Variants in SLC15A2 observed in about 807,000 individuals in gnomAD.
The protein encoded by SLC15A2 is kidney H(+)/peptide cotransporter.
SLC15A2 carries 77 observed loss-of-function variants against 95.5 expected under a neutral mutation model. The observed-to-expected ratio is 0.81, with a 90% CI of 0.67 to 0.97. The LOEUF (loss-of-function observed/expected upper bound fraction) is 0.97. SLC15A2 is among the 50% of genes least tolerant of loss of function. The pLI is 0.00. For missense variants in SLC15A2, 893 were observed against 874.4 expected (o/e 1.02, Z -0.27); for synonymous variants, 306 against 306.9 (o/e 1.00, Z 0.03).
intron 11 of SLC15A2, 71 bp from the exon 12 acceptor site, chr3:121,924,280 A>G (rs1710066402): frequency 9.7e-6 from 13 of 1,336,660 alleles, no homozygotes; most frequent in Non-Finnish European, 1.4e-5. Context: ...TAGCAAAATT[A>G]TTGATCTAGG....
At chr3:121,915,202 T>C in intron 5 of SLC15A2, 25 bp from the exon 6 acceptor site, 1 of 1,567,646 alleles carries the variant, frequency 6.4e-7, no homozygotes, top group Non-Finnish European at 8.8e-7. Flanking sequence ...CACATTGCAC[T>C]GATGATTTAT....
chr3:121,923,093 C>T lies in SLC15A2; in HGVS notation c.921C>T (p.Ile307=). Residue 307 remains isoleucine, a synonymous_variant, in exon 10 of 22, where the codon ATC becomes ATT. Coordinates refer to ENST00000489711, the MANE Select transcript of SLC15A2 (RefSeq NM_021082.4). ...TGACCAGGGTACTATTCCTTTATAT[C>T]CCATTGCCCATGTTCTGGGCTCTTT... ...KALTRVLFLY[I]PLPMFWALLD... is the part of the protein sequence containing the mutation. The T allele has an allele frequency of 6.2e-7, 1 of 1,614,056 alleles. No individual in the cohort carries two copies. The highest frequency in any genetic ancestry group is 8.5e-7 in the Non-Finnish European group (1 of 1,179,918).
At chr3:121,940,692 A>G (rs1265668045) in intron 21 of SLC15A2, 139 bp from the exon 22 acceptor site, 1 of 931,052 alleles carries the variant, frequency 1.1e-6, no homozygotes, top group Non-Finnish European at 1.6e-6. Flanking sequence ...AGGAGAGGCC[A>G]GTGAACCCAG....
chr3:121,898,152 ACT>A (rs1195260429), intron 3 of SLC15A2, among the ~76,000 whole-genome samples: 2 of 140,154 alleles, frequency 1.4e-5, no homozygotes, highest in Non-Finnish European at 3.1e-5. Context: ...ACAGAAAAAG[ACT>A]CTGTCTCAAA....
intron 18 of SLC15A2, 46 bp downstream of exon 18, chr3:121,930,996 T>C: frequency 7.8e-7 from 1 of 1,274,834 alleles, no homozygotes; most frequent in Non-Finnish European, 1.1e-6. Flanking sequence ...TCAATAATTG[T>C]TTTTTAAGTG....
intron 19 of SLC15A2, among the ~76,000 whole-genome samples, chr3:121,938,918 T>C (rs1271498774): frequency 6.6e-6 from 1 of 152,226 alleles, no homozygotes; most frequent in Non-Finnish European, 1.5e-5. Flanking sequence ...ACCAGGCTGA[T>C]AACCATAGCA....
At chr3:121,928,668 G>GC in intron 15 of SLC15A2, 113 bp downstream of exon 15, 1 of 1,242,124 alleles carries the variant, frequency 8.1e-7, no homozygotes, top group Non-Finnish European at 1.1e-6. Flanking sequence ...TAATCTTTGA[G>GC]CACATGATTT....
rs1217402330 is a variant in SLC15A2 at position 121,939,329 on chromosome 3, C to T, written c.1762-20C>T. 4 of 1,477,068 alleles carry T rather than the reference C, an allele frequency of 2.7e-6. No individual in the cohort carries two copies. Among genetic ancestry groups the T allele is most frequent in the Non-Finnish European group, 3.6e-6 (4 of 1,110,636 alleles). 91.5% of individuals were successfully genotyped at this position (1,477,068 alleles called of 1,614,324 possible). The stretch of plus-strand genomic sequence containing the variant: ...CTTGAGACTACTGACAAGTCCATTT[C>T]CATTTTCTCTTTCCCTAAGAACACC... On this transcript the variant is annotated intron_variant, in intron 19 of 21. Transcript: ENST00000489711.
intron 19 of SLC15A2, among the ~76,000 whole-genome samples, chr3:121,933,897 T>A (rs1710284071): frequency 1.3e-5 from 2 of 150,156 alleles, no homozygotes; most frequent in South Asian, 4.3e-4. Context: ...TGGTTTTAGG[T>A]CTAACGTTTA....
chr3:121,925,846 G>T (rs1920318), intron 13 of SLC15A2, among the ~76,000 whole-genome samples: 61,250 of 138,416 alleles, frequency 0.44, 14,189 homozygotes, highest in East Asian at 0.69. Context: ...GCCAAGGAGA[G>T]GTAGAAAAGA....
rs758979107 is a variant in SLC15A2 at position 121,922,790 on chromosome 3, C to T, written c.796C>T (p.Arg266Cys). Reference protein sequence around the residue: ...FKCIWFAISNRFKNRSGDIPK... With the variant: ...FKCIWFAISNCFKNRSGDIPK... ...TCTGCCCTAGTTTGCTATTTCCAATCGTTTCAAGAACCGTTCTGGAGACAT... is the reference window on the plus strand; with the variant it reads ...TCTGCCCTAGTTTGCTATTTCCAATTGTTTCAAGAACCGTTCTGGAGACAT... The change falls in exon 9 of 22, where the codon CGT (arginine) becomes TGT (cysteine). Residue 266 changes from arginine to cysteine, a missense_variant. Transcript: ENST00000489711. The T allele has an allele frequency of 6.2e-6, 10 of 1,613,140 alleles. 1 individual carries two copies. The highest frequency in any genetic ancestry group is 1.6e-4 in the Middle Eastern group (1 of 6,082).
At position 121,907,035 on chromosome 3, in the gene SLC15A2, G is replaced by A. The variant is rs1024462966; in HGVS notation, c.336-4539G>A. 1.5e-4 allele frequency among the ~76,000 whole-genome samples: 23 copies of A among 152,208 alleles called. 1 individual carries two copies. In the Middle Eastern group the frequency reaches 0.017, roughly 113 times the overall value. ...TTTACATAGTCCTATATTTCTTTGA[G>A]GCTTTGTTCATTTCTTTTTACTCTT... On this transcript the variant is annotated intron_variant, in intron 3 of 21. Coordinates refer to ENST00000489711, the MANE Select transcript of SLC15A2 (RefSeq NM_021082.4).
chr3:121,896,198 A>C (rs1709409683), intron 1 of SLC15A2, among the ~76,000 whole-genome samples: 1 of 152,244 alleles, frequency 6.6e-6, no homozygotes, highest in African/African-American at 2.4e-5. Context: ...AAACAAAATA[A>C]TATTCAGAGT....
Position 121,943,405 on chromosome 3 carries a change from C to T in SLC15A2, c.*2398C>T, listed in dbSNP as rs1260414329. The T allele has an allele frequency of 6.6e-6, 1 of 152,094 alleles. No homozygotes were observed. The highest frequency in any genetic ancestry group is 1.5e-5 in the Non-Finnish European group (1 of 68,022). 9.4% of individuals were successfully genotyped at this position (152,094 alleles called of 1,614,324 possible). ...CTCGGTTCCTGTAATGGTTCCTCAC[C>T]AGGCATAATTTGTCCTTTTACCATC... On this transcript the variant is annotated 3_prime_UTR_variant, in exon 22 of 22. Coordinates refer to ENST00000489711, the MANE Select transcript of SLC15A2 (RefSeq NM_021082.4).
At chr3:121,913,190 C>A in intron 5 of SLC15A2, 70 bp downstream of exon 5, 1 of 1,205,832 alleles carries the variant, frequency 8.3e-7, no homozygotes, top group Non-Finnish European at 1.2e-6. Context: ...TGGCAGGTAG[C>A]CATTTGCCAA....
chr3:121,924,112 A>G (rs1710063259), intron 11 of SLC15A2, among the ~76,000 whole-genome samples: 1 of 152,208 alleles, frequency 6.6e-6, no homozygotes, highest in Non-Finnish European at 1.5e-5. Flanking sequence ...AGCATAATAC[A>G]TAGAAAATAA....
intron 15 of SLC15A2, among the ~76,000 whole-genome samples, 186 bp downstream of exon 15, chr3:121,928,741 G>C (rs1296068017): frequency 4.6e-5 from 7 of 151,956 alleles, no homozygotes; most frequent in African/African-American, 1.7e-4. Flanking sequence ...TTTCCACATA[G>C]GTATTCCGTT....
At chr3:121,907,987 G>C (rs1481859683) in intron 3 of SLC15A2, among the ~76,000 whole-genome samples, 1 of 152,380 alleles carries the variant, frequency 6.6e-6, no homozygotes, top group Middle Eastern at 3.4e-3. Context: ...CCAGAGGTGG[G>C]TGGGGTCTAC....
intron 8 of SLC15A2, among the ~76,000 whole-genome samples, 153 bp downstream of exon 8, chr3:121,922,455 T>C (rs1710025547): frequency 6.6e-6 from 1 of 150,958 alleles, no homozygotes; most frequent in Admixed American, 6.6e-5. Context: ...CCAGTCTTCT[T>C]CTTATGCCTC....
Sources: allele counts gnomAD v4.1 joint callset (sites outside exome capture counted in the v4.1 genomes callset), GRCh38; gene constraint gnomAD v4.1.1; transcripts MANE v1.5; gene names NCBI Gene and HGNC (gene_info 2026-07-23, HGNC 2026-07-21).